GARNL3: variants seen among roughly 807,000 people sequenced by gnomAD.
The protein encoded by GARNL3 is GTPase activating Rap/RanGAP domain like 3.
A neutral mutation model predicts 125.0 loss-of-function variants in GARNL3; 63 were observed. The ratio of observed to expected loss-of-function variants is 0.50; its 90% CI spans 0.41 to 0.62. The LOEUF is 0.62. Among genes scored for constraint, GARNL3 ranks in the 20% least tolerant of loss-of-function variants. The pLI is 0.00. For synonymous variants in GARNL3, 439 were observed against 457.5 expected (o/e 0.96, Z 0.52); for missense variants, 994 against 1,244.0 (o/e 0.80, Z 3.02).
intron 1 of GARNL3, among the ~76,000 whole-genome samples, chr9:127,275,961 T>G (rs892787339): frequency 6.6e-6 from 1 of 152,162 alleles, no homozygotes; most frequent in Non-Finnish European, 1.5e-5. Flanking sequence ...GGGAGTACAT[T>G]TCAGCTATTC....
intron 21 of GARNL3, among the ~76,000 whole-genome samples, chr9:127,358,066 G>A (rs1830784357): frequency 6.6e-6 from 1 of 152,222 alleles, no homozygotes; most frequent in African/African-American, 2.4e-5. Context: ...GATGCACAGA[G>A]AACAAGGATG....
At chr9:127,248,620 T>TG (rs2063345095) in intron 2 of GARNL3, among the ~76,000 whole-genome samples, 2 of 143,774 alleles carry the variant, frequency 1.4e-5, no homozygotes, top group Admixed American at 6.9e-5. Flanking sequence ...TTTTTTTTTT[T>TG]TTGTTGAGAC....
chr9:127,274,806 G>A (rs544478588), intron 1 of GARNL3, among the ~76,000 whole-genome samples: 83 of 152,256 alleles, frequency 5.5e-4, no homozygotes, highest in African/African-American at 1.9e-3. Context: ...CCACTTACCT[G>A]GTTAACTCTT....
intron 1 of GARNL3, among the ~76,000 whole-genome samples, chr9:127,284,770 A>T (rs2064200265): frequency 6.6e-6 from 1 of 151,270 alleles, no homozygotes; most frequent in African/African-American, 2.4e-5. Context: ...CATATAAATA[A>T]ATTTATACAT....
At chr9:127,277,839 T>C (rs956956100) in intron 1 of GARNL3, among the ~76,000 whole-genome samples, 9 of 152,216 alleles carry the variant, frequency 5.9e-5, no homozygotes. Context: ...TTTCACTATC[T>C]AGAACCCCAC....
intron 22 of GARNL3, among the ~76,000 whole-genome samples, chr9:127,382,011 A>G (rs1832289172): frequency 1.3e-5 from 2 of 152,162 alleles, no homozygotes; most frequent in African/African-American, 2.4e-5. Flanking sequence ...TGATGTTAAT[A>G]AAAATTCAGG....
chr9:127,330,614 A>G (rs957861348), intron 7 of GARNL3, among the ~76,000 whole-genome samples: 3 of 152,258 alleles, frequency 2.0e-5, no homozygotes, highest in Non-Finnish European at 4.4e-5. Context: ...CAAGTTCAAT[A>G]AAAGATTTAC....
At chr9:127,238,287 A>C (rs945176024) in intron 1 of GARNL3, among the ~76,000 whole-genome samples, 2 of 152,070 alleles carry the variant, frequency 1.3e-5, no homozygotes, top group African/African-American at 4.8e-5. Flanking sequence ...AGGCCTCATC[A>C]GGCCTGGCTG....
chr9:127,385,431 G>C lies in GARNL3; in HGVS notation c.2388+286G>C, dbSNP rs1424820887. Among the ~76,000 whole-genome samples, 2 of 152,240 alleles carry C rather than the reference G, an allele frequency of 1.3e-5. No individual in the cohort carries two copies. Among genetic ancestry groups the C allele is most frequent in the Middle Eastern group, 3.4e-3 (1 of 294 alleles). ...AAGAGATATCCCCGCTCAGAGACTG[G>C]GTCAGTTATTCATGTCACTGCTGCC... On this transcript the variant is annotated intron_variant, in intron 24 of 27. Coordinates refer to ENST00000373387, the MANE Select transcript of GARNL3 (RefSeq NM_032293.5). The surrounding 1 kb of genome is among the most constrained non-coding windows in gnomAD (Gnocchi z 4.1).
intron 7 of GARNL3, among the ~76,000 whole-genome samples, chr9:127,327,942 G>A (rs1588864594): frequency 6.6e-6 from 1 of 152,244 alleles, no homozygotes; most frequent in Admixed American, 6.5e-5. Flanking sequence ...TATAGCTTTT[G>A]TATCTCAAAA....
intron 2 of GARNL3, among the ~76,000 whole-genome samples, chr9:127,304,530 CTTTTTTTTTTTT>C (rs61493807): frequency 3.0e-5 from 3 of 99,222 alleles, no homozygotes; most frequent in Admixed American, 3.0e-4. Flanking sequence ...TGGCTTTATT[CTTTTTTTTTTTT>C]TTTTTTTTTT....
chr9:127,285,649 G>A (rs1344885164), intron 1 of GARNL3, among the ~76,000 whole-genome samples: 1 of 151,976 alleles, frequency 6.6e-6, no homozygotes, highest in Non-Finnish European at 1.5e-5. Context: ...CTTCTTTCTA[G>A]TTATAATAGT....
rs1287390082 is a variant in GARNL3, at chr9:127,336,150, G to C, written c.896G>C (p.Gly299Ala). Reference protein sequence around the residue: ...KQQVERKRHIGNDIVTIVFQE... With the variant: ...KQQVERKRHIANDIVTIVFQE... ...CAGGTGGAAAGGAAACGCCACATTG[G>C]AAACGATATCGTCACCATTGTGTTC... Residue 299 changes from glycine (G) to alanine (A), a missense_variant, in exon 11 of 28, where the codon GGA (glycine) becomes GCA (alanine). Gly to Ala is a moderately conservative substitution (Grantham distance 60). Coordinates refer to ENST00000373387, the MANE Select transcript of GARNL3 (RefSeq NM_032293.5). 6.2e-7 allele frequency: 1 copy of C among 1,613,910 alleles called. No individual in the cohort carries two copies. Among genetic ancestry groups the C allele is most frequent in the Admixed American group, 1.7e-5 (1 of 60,018 alleles).
chr9:127,341,735 G>T lies in GARNL3; in HGVS notation c.1136-484G>T, dbSNP rs548325690. On this transcript the variant is annotated intron_variant, in intron 13 of 27. Transcript: ENST00000373387. The stretch of plus-strand genomic sequence containing the variant: ...GGCTTATAAGTGGAGCCAGTCAACA[G>T]ATGGACTTTCATCAGCGTTGTCAAA... Among the ~76,000 whole-genome samples the T allele has an allele frequency of 2.6e-5, 4 of 152,348 alleles. No individual in the cohort carries two copies. The South Asian group carries it at 8.3e-4, about 32-fold the overall frequency.
chr9:127,350,258 G>A (rs556829578), intron 17 of GARNL3, among the ~76,000 whole-genome samples: 4 of 152,244 alleles, frequency 2.6e-5, no homozygotes, highest in East Asian at 1.9e-4. Flanking sequence ...TATGAGCCTC[G>A]AGTTTCTCTA....
At chr9:127,365,007 G>A in intron 21 of GARNL3, 1 of 370,388 alleles carries the variant, frequency 2.7e-6, no homozygotes, top group South Asian at 5.4e-5. Flanking sequence ...AGAGAGAGGA[G>A]ACATACCAAA....
intron 1 of GARNL3, among the ~76,000 whole-genome samples, chr9:127,285,480 G>A (rs2064224290): frequency 6.6e-6 from 1 of 152,120 alleles, no homozygotes; most frequent in South Asian, 2.1e-4. Flanking sequence ...TTTTAAAGGT[G>A]TGTATTCTCT....
At chr9:127,367,020 C>T (rs1309073023) in intron 22 of GARNL3, 1 of 152,242 alleles carries the variant, frequency 6.6e-6, no homozygotes, top group African/African-American at 2.4e-5. Flanking sequence ...AAGGCCCTGG[C>T]AACCTCAGAG....
upstream of GARNL3, among the ~76,000 whole-genome samples, chr9:127,260,163 C>T (rs1375465438): frequency 6.6e-6 from 1 of 152,200 alleles, no homozygotes; most frequent in Non-Finnish European, 1.5e-5. Context: ...AGTGCGTGCT[C>T]TGAGGGACTA....
Sources: gnomAD v4.1 joint callset for allele counts (sites outside exome capture counted in the v4.1 genomes callset) on GRCh38, gnomAD v4.1.1 for gene constraint, Gnocchi (gnomAD v3.1) non-coding constraint, MANE v1.5 for transcripts, NCBI Gene and HGNC (gene_info 2026-07-23, HGNC 2026-07-21) for gene names.